USP34: variants seen among roughly 807,000 people sequenced by gnomAD.
USP34 encodes the protein ubiquitin specific peptidase 34.
USP34 carries 70 observed loss-of-function variants against 460.3 expected under a neutral mutation model. That is an observed-to-expected ratio of 0.15 (90% confidence interval 0.13 to 0.19). The LOEUF (loss-of-function observed/expected upper bound fraction) is 0.19, where lower values mean the gene tolerates loss of function less well. Ranked by LOEUF, USP34 falls within the 10% of genes least tolerant of loss-of-function variation. USP34 has a pLI of 1.00. For synonymous variants in USP34, 1,647 were observed against 1,405.3 expected (o/e 1.17, Z -3.85); for missense variants, 3,985 against 4,236.2 (o/e 0.94, Z 1.65).
intron 41 of USP34, among the ~76,000 whole-genome samples, chr2:61,274,444 A>G (rs575336339): frequency 1.0e-5 from 1 of 95,520 alleles, no homozygotes; most frequent in Non-Finnish European, 2.2e-5. Context: ...GTCAAGACAG[A>G]AAAAAAAAAA....
chr2:61,246,195 T>A (rs939657251), intron 50 of USP34, 129 bp downstream of exon 50: 2 of 607,588 alleles, frequency 3.3e-6, no homozygotes, highest in African/African-American at 1.9e-5. Context: ...TTGAAAGTTA[T>A]CTTCATTTAA....
chr2:61,349,864 AC>A (rs398043068), intron 12 of USP34, among the ~76,000 whole-genome samples: 51,605 of 149,886 alleles, frequency 0.34, 8,818 homozygotes, highest in African/African-American at 0.36. Context: ...AACAACAACA[AC>A]AACAAAAAAA....
rs780963264 is a variant in USP34 at position 61,283,152 on chromosome 2, A to G, written c.4991T>C (p.Ile1664Thr). 7 of 1,613,126 alleles carry G rather than the reference A, an allele frequency of 4.3e-6. No homozygotes were observed. In the African/African-American group the frequency reaches 6.7e-5, roughly 15 times the overall value. The change falls in exon 37 of 80, where the codon ATT (isoleucine) becomes ACT (threonine). Residue 1664 changes from isoleucine to threonine, a missense_variant. Ile to Thr is a moderately conservative substitution (Grantham distance 89). This residue lies in a region of USP34 where 1,114 missense variants were observed against 1,122.5 expected (regional missense o/e 0.99). Transcript: ENST00000398571. Reference sequence around the variant, plus strand: ...CTTCAATCTTTATCTTACCTCAGGAATAAGGAGAGTCAATTTCTTTAGCCA... The same window carrying G: ...CTTCAATCTTTATCTTACCTCAGGAGTAAGGAGAGTCAATTTCTTTAGCCA... ...QDWLKKLTLL[I>T]PETAVRHESC...
At chr2:61,352,549 A>G (rs891411172) in intron 10 of USP34, among the ~76,000 whole-genome samples, 5 of 151,930 alleles carry the variant, frequency 3.3e-5, no homozygotes, top group African/African-American at 1.2e-4. Flanking sequence ...CTAATTTTAA[A>G]ACGCCTAAGC....
At chr2:61,453,132 T>A (rs536066445) in intron 1 of USP34, among the ~76,000 whole-genome samples, 1 of 152,166 alleles carries the variant, frequency 6.6e-6, no homozygotes, top group East Asian at 1.9e-4. Context: ...ACATCTAGGC[T>A]GGGCACTGTG....
chr2:61,362,222 TAC>T (rs1334396743), intron 10 of USP34, among the ~76,000 whole-genome samples: 1 of 152,126 alleles, frequency 6.6e-6, no homozygotes, highest in Non-Finnish European at 1.5e-5. Context: ...TGAAAACTGG[TAC>T]AGTCATTTTT....
At chr2:61,209,926 TAACGAA>T (rs1687225869) in intron 69 of USP34, among the ~76,000 whole-genome samples, 1 of 152,104 alleles carries the variant, frequency 6.6e-6, no homozygotes, top group Admixed American at 6.5e-5. Flanking sequence ...TCTTAGTTTT[TAACGAA>T]AACATTTAAA....
At chr2:61,232,935 T>C (rs1687956247) in intron 57 of USP34, among the ~76,000 whole-genome samples, 1 of 137,568 alleles carries the variant, frequency 7.3e-6, no homozygotes, top group Non-Finnish European at 1.5e-5. Context: ...AGTGGCACGA[T>C]CTCGGCTCAC....
chr2:61,353,221 G>A (rs1401028897), intron 10 of USP34, among the ~76,000 whole-genome samples: 6 of 152,164 alleles, frequency 3.9e-5, no homozygotes, highest in Non-Finnish European at 8.8e-5. Context: ...ATTCTGACTG[G>A]TGAGGTACAG....
At chr2:61,347,514 C>T (rs896650579) in intron 15 of USP34, among the ~76,000 whole-genome samples, 42 of 152,148 alleles carry the variant, frequency 2.8e-4, no homozygotes, top group Non-Finnish European at 4.1e-4. Context: ...GCTGGGATTA[C>T]AGGCGTGCAC....
chr2:61,351,049 C>G (rs1469785641), intron 10 of USP34, among the ~76,000 whole-genome samples: 1 of 152,108 alleles, frequency 6.6e-6, no homozygotes. Flanking sequence ...ATAGTGAGAC[C>G]TCATCTCTGT....
At chr2:61,321,436 C>G (rs536177114) in intron 21 of USP34, among the ~76,000 whole-genome samples, 5 of 152,262 alleles carry the variant, frequency 3.3e-5, no homozygotes, top group South Asian at 4.1e-4. Context: ...TGCGCCACTG[C>G]TCTCCAGCCT....
intron 41 of USP34, among the ~76,000 whole-genome samples, chr2:61,270,561 G>A (rs984818511): frequency 2.0e-5 from 3 of 152,050 alleles, no homozygotes; most frequent in Admixed American, 6.6e-5. Flanking sequence ...TCAGCCTCCC[G>A]AGTAGCTGTG....
At chr2:61,285,067 C>A (rs756863683) in intron 34 of USP34, 110 bp from the exon 35 acceptor site, 10 of 704,300 alleles carry the variant, frequency 1.4e-5, no homozygotes, top group Non-Finnish European at 2.1e-5. Context: ...AATTTTAACC[C>A]AAAATTCCAA....
Position 61,278,160 on chromosome 2 carries a change from C to G in USP34, c.5433+5G>C. 6.2e-7 allele frequency: 1 copy of G among 1,611,748 alleles called. No homozygotes were observed. The highest frequency in any genetic ancestry group is 1.7e-4 in the Middle Eastern group (1 of 6,024). ...ATAGAAACATTTGATTATCTTAACA[C>G]TTACCTGTCCTTCCCTTGAAAATTT... is the stretch of plus-strand genomic sequence containing the variant. On this transcript the variant is annotated splice_donor_5th_base_variant and intron_variant, in intron 41 of 79. Transcript: ENST00000398571.
At chr2:61,261,154 T>C (rs2103905787) in intron 43 of USP34, among the ~76,000 whole-genome samples, 1 of 152,330 alleles carries the variant, frequency 6.6e-6, no homozygotes, top group Middle Eastern at 3.4e-3. Flanking sequence ...ATTCCACTTC[T>C]GGGTATACAC....
intron 1 of USP34, among the ~76,000 whole-genome samples, chr2:61,428,167 A>C (rs78237221): frequency 5.6e-4 from 59 of 106,102 alleles, no homozygotes; most frequent in Admixed American, 4.9e-3. Context: ...CTCCGTCACA[A>C]AAAAAAAAAA....
In USP34 at chr2:61,349,831, G is replaced by C. The variant is rs185777063; in HGVS notation, c.1507+429C>G. Among the ~76,000 whole-genome samples the C allele has an allele frequency of 4.2e-3, 617 of 146,900 alleles. 3 individuals are homozygous for C. Among genetic ancestry groups the C allele is most frequent in the African/African-American group, 0.015 (579 of 39,370 alleles). On this transcript the variant is annotated intron_variant, in intron 12 of 79. Coordinates refer to ENST00000398571, the MANE Select transcript of USP34 (RefSeq NM_014709.4). ...ACTCCAGCTTGGGTGACAGACCGAG[G>C]CTCCGTCTCAAAAAACAACAACAAC...
At position 61,313,110 on chromosome 2, in the gene USP34, C is replaced by T. The variant is rs566070058; in HGVS notation, c.3543-1200G>A. On this transcript the variant is annotated intron_variant, in intron 25 of 79. Coordinates refer to ENST00000398571, the MANE Select transcript of USP34 (RefSeq NM_014709.4). Reference sequence around the variant, plus strand: ...TAAACTACTGCTTAGTTTTGTGACTCTTCAATTTTATCCATATCCTAGTTA... The same window carrying T: ...TAAACTACTGCTTAGTTTTGTGACTTTTCAATTTTATCCATATCCTAGTTA... 5.9e-5 allele frequency among the ~76,000 whole-genome samples: 9 copies of T among 152,138 alleles called. No individual in the cohort carries two copies. In the South Asian group the frequency reaches 1.7e-3, roughly 28 times the overall value.
Sources: allele counts gnomAD v4.1 joint callset (sites outside exome capture counted in the v4.1 genomes callset), GRCh38; gene constraint gnomAD v4.1.1; regional missense constraint gnomAD v4.1.1; transcripts MANE v1.5; gene names NCBI Gene and HGNC (gene_info 2026-07-23, HGNC 2026-07-21).